The following CEP350 variants were observed in gnomAD, a reference collection of about 807,000 sequenced individuals.
CEP350 encodes the protein centrosomal protein 350, also known as centrosome-associated protein 350.
Under a neutral mutation model 331.8 loss-of-function variants are expected in CEP350, and 126 were observed. The observed-to-expected ratio is 0.38, with a 90% CI of 0.33 to 0.44. The LOEUF is 0.44. CEP350 is among the 20% of genes least tolerant of loss of function. The pLI, the probability that CEP350 is intolerant of heterozygous loss-of-function variation, is 1.00. For missense variants in CEP350, 3,406 were observed against 3,634.6 expected (o/e 0.94, Z 1.62); for synonymous variants, 1,200 against 1,259.5 (o/e 0.95, Z 1.00).
At chr1:180,087,041 C>CCCT (rs1659909519) in intron 31 of CEP350, 2 of 152,120 alleles carry the variant, frequency 1.3e-5, no homozygotes, top group Non-Finnish European at 2.9e-5. Context: ...ATATTTCATA[C>CCCT]AAATTATAAA....
chr1:180,022,262 A>C (rs572968286), intron 12 of CEP350, among the ~76,000 whole-genome samples: 9 of 151,040 alleles, frequency 6.0e-5, no homozygotes, highest in Admixed American at 5.3e-4. Context: ...CATCATTTTT[A>C]ATAAGAAAAT....
intron 31 of CEP350, 22 bp from the exon 32 acceptor site, chr1:180,087,553 ACTC>A (rs1447600583): frequency 7.3e-5 from 111 of 1,515,474 alleles, no homozygotes; most frequent in Non-Finnish European, 9.3e-5. Flanking sequence ...CTGCCTAGTG[ACTC>A]CTCTGGTTTT....
intron 17 of CEP350, among the ~76,000 whole-genome samples, chr1:180,038,277 G>T (rs1335682601): frequency 1.3e-5 from 2 of 151,844 alleles, no homozygotes; most frequent in African/African-American, 4.8e-5. Context: ...ATCACAATTT[G>T]TTTATCAGTT....
At chr1:180,033,406 T>C (rs1656145809) in intron 15 of CEP350, among the ~76,000 whole-genome samples, 2 of 152,126 alleles carry the variant, frequency 1.3e-5, no homozygotes, top group African/African-American at 4.8e-5. Context: ...AACAAGAGGG[T>C]ATAACAAAAG....
intron 1 of CEP350, among the ~76,000 whole-genome samples, chr1:179,958,084 G>A (rs1188645626): frequency 6.6e-6 from 1 of 152,118 alleles, no homozygotes; most frequent in African/African-American, 2.4e-5. Context: ...TAATATGTCA[G>A]ATAATTATAA....
intron 31 of CEP350, 33 bp from the exon 32 acceptor site, chr1:180,087,545 G>T: frequency 2.0e-6 from 3 of 1,505,582 alleles, no homozygotes; most frequent in Non-Finnish European, 2.7e-6. Context: ...TAAAAATTCT[G>T]CCTAGTGACT....
intron 8 of CEP350, among the ~76,000 whole-genome samples, chr1:180,008,503 C>G (rs1400727816): frequency 6.6e-6 from 1 of 152,120 alleles, no homozygotes; most frequent in Non-Finnish European, 1.5e-5. Flanking sequence ...TTGAAAATGG[C>G]TATTTAGAAT....
rs1231305816 is a variant in CEP350, at chr1:180,003,167, G to A, written c.1019-7G>A. 1.1e-5 allele frequency: 18 copies of A among 1,570,628 alleles called. No individual in the cohort carries two copies. The highest frequency in any genetic ancestry group is 1.6e-5 in the Non-Finnish European group (18 of 1,144,312). On this transcript the variant is annotated splice_polypyrimidine_tract_variant and splice_region_variant and intron_variant, in intron 6 of 37. Coordinates refer to ENST00000367607, the MANE Select transcript of CEP350 (RefSeq NM_014810.5). ...TAAGAATATTCTGTGTTACTGGTAT[G>A]TATTAGGTTTCAACCCTTCAGAGAC...
Position 180,098,868 on chromosome 1 carries a change from C to T in CEP350, c.9072C>T (p.Phe3024=). The T allele has an allele frequency of 3.7e-6, 6 of 1,612,496 alleles. No homozygotes were observed. The highest frequency in any genetic ancestry group is 5.1e-6 in the Non-Finnish European group (6 of 1,179,172). ...NPNNLDEIKS[F]IASEVLKLFS... The stretch of plus-strand genomic sequence containing the variant: ...TATTTGTCTTGTTTCCACAGAGCTT[C>T]ATAGCAAGTGAAGTACTCAAGTTGT... Residue 3024 remains phenylalanine (F), a synonymous_variant, in exon 37 of 38, where the codon TTC becomes TTT. Coordinates refer to ENST00000367607, the MANE Select transcript of CEP350 (RefSeq NM_014810.5).
chr1:180,107,076 A>G (rs550203709), intron 37 of CEP350, among the ~76,000 whole-genome samples: 7 of 152,284 alleles, frequency 4.6e-5, no homozygotes, highest in Middle Eastern at 3.4e-3. Context: ...GGTCATTGCT[A>G]AAAACAATGA....
chr1:179,982,806 T>C (rs1652376667), intron 1 of CEP350, among the ~76,000 whole-genome samples: 1 of 152,224 alleles, frequency 6.6e-6, no homozygotes, highest in East Asian at 1.9e-4. Context: ...TTTTTGTTGT[T>C]GTTGAGATGG....
In CEP350 at chr1:180,047,642, A is replaced by G. The variant is rs139384356; in HGVS notation, c.4623-894A>G. Among the ~76,000 whole-genome samples, 10 of 151,408 alleles carry G rather than the reference A, an allele frequency of 6.6e-5. No homozygotes were observed. The East Asian group carries it at 1.8e-3, about 27-fold the overall frequency. On this transcript the variant is annotated intron_variant, in intron 21 of 37. Coordinates refer to ENST00000367607, the MANE Select transcript of CEP350 (RefSeq NM_014810.5). ...CCAGGTGTTGTGGCACATGCCTGTA[A>G]TCCTAGCTACTCGGGAGGCTGAGGC...
intron 3 of CEP350, 86 bp from the exon 4 acceptor site, chr1:179,990,421 T>C: frequency 1.7e-6 from 1 of 600,952 alleles, no homozygotes; most frequent in Non-Finnish European, 2.8e-6. Context: ...TATTGGGCAA[T>C]ATACTTTTAA....
rs1357154724 is a variant in CEP350 at position 180,020,266 on chromosome 1, C to T, written c.2492C>T (p.Thr831Ile). Residue 831 changes from threonine (T) to isoleucine (I), a missense_variant, in exon 12 of 38, where the codon ACA becomes ATA. Physicochemically the swap from Thr to Ile is moderately conservative, Grantham distance 89. Coordinates refer to ENST00000367607, the MANE Select transcript of CEP350 (RefSeq NM_014810.5). The stretch of plus-strand genomic sequence containing the variant: ...GATCGTATTGAAGCCTTGAAAGCAA[C>T]AGCTGCTTCTTTGTCCAGCAGAATT... ...KLDRIEALKA[T>I]AASLSSRIES... 5.0e-6 allele frequency: 8 copies of T among 1,613,904 alleles called. No homozygotes were observed. The highest frequency in any genetic ancestry group is 5.9e-6 in the Non-Finnish European group (7 of 1,179,912).
chr1:180,090,429 C>T (rs1660106191), intron 32 of CEP350, among the ~76,000 whole-genome samples: 1 of 150,334 alleles, frequency 6.7e-6, no homozygotes. Flanking sequence ...GCCTGTAGTC[C>T]CAGCTACTCG....
At chr1:180,080,972 G>A (rs1659531812) in intron 30 of CEP350, among the ~76,000 whole-genome samples, 1 of 151,806 alleles carries the variant, frequency 6.6e-6, no homozygotes, top group African/African-American at 2.4e-5. Context: ...CAATTCTCCT[G>A]CCTCAGCCTC....
At chr1:180,019,909 GTGGTT>G (rs755066694) in intron 11 of CEP350, 35 bp from the exon 12 acceptor site, 66 of 1,501,826 alleles carry the variant, frequency 4.4e-5, no homozygotes, top group Non-Finnish European at 5.9e-5. Flanking sequence ...TTTTAAAATG[GTGGTT>G]TAGTTAACTA....
At chr1:180,091,203 C>G (rs7525460) in intron 33 of CEP350, among the ~76,000 whole-genome samples, 2,481 of 150,264 alleles carry the variant, frequency 0.017, 67 homozygotes, top group African/African-American at 0.054. Context: ...TTTTAAGAGA[C>G]GGGGGGGTCT....
At position 180,112,339 on chromosome 1, in the gene CEP350, G is replaced by A. The variant is rs1661503824; in HGVS notation, c.*1178G>A. The A allele has an allele frequency of 1.3e-5, 2 of 152,494 alleles. No homozygotes were observed. The highest frequency in any genetic ancestry group is 1.9e-4 in the East Asian group (1 of 5,194). 9.4% of individuals were successfully genotyped at this position (152,494 alleles called of 1,614,324 possible). A position where few individuals can be genotyped will look rare whatever the true frequency, so the allele number is the denominator to read the frequency against. Reference sequence around the variant, plus strand: ...ATATTGAAGAAGTCATTTTAATTCAGTGAAACGAAGATGGGCTTTTCCAGA... The same window carrying A: ...ATATTGAAGAAGTCATTTTAATTCAATGAAACGAAGATGGGCTTTTCCAGA... On this transcript the variant is annotated 3_prime_UTR_variant, in exon 38 of 38. Transcript: ENST00000367607.
Sources: allele counts gnomAD v4.1 joint callset (sites outside exome capture counted in the v4.1 genomes callset), GRCh38; gene constraint gnomAD v4.1.1; transcripts MANE v1.5; gene names NCBI Gene and HGNC (gene_info 2026-07-23, HGNC 2026-07-21).